Variants in FAT2 observed in about 807,000 individuals in gnomAD.
FAT2 encodes FAT atypical cadherin 2.
A neutral mutation model predicts 295.3 loss-of-function variants in FAT2; 150 were observed. The observed-to-expected ratio is 0.51, with a 90% CI of 0.44 to 0.58. The LOEUF is 0.58. FAT2 is among the 20% of genes least tolerant of loss of function. The pLI is 0.00. For synonymous variants in FAT2, 2,026 were observed against 2,150.3 expected (o/e 0.94, Z 1.60); for missense variants, 4,868 against 5,442.7 (o/e 0.89, Z 3.32).
rs7722798 is a variant in FAT2, at chr5:151,507,087, C to T, written c.12517+67G>A. On this transcript the variant is annotated intron_variant, in intron 23 of 23. Coordinates refer to ENST00000261800, the MANE Select transcript of FAT2 (RefSeq NM_001447.3). ...CTAAAAATGCCTGTGCCTCAGATAA[C>T]GGAGTGTTTAGAACCACCACCCACT... 607 of 1,382,590 alleles carry T rather than the reference C, an allele frequency of 4.4e-4. 3 individuals carry two copies. In the African/African-American group the frequency reaches 7.7e-3, roughly 18 times the overall value. The allele number at this position is 1,382,590 out of a possible 1,614,324, so 85.6% of individuals were successfully genotyped here. A position where few individuals can be genotyped will look rare whatever the true frequency, so the allele number is the denominator to read the frequency against.
chr5:151,509,913 G>T lies in FAT2; in HGVS notation c.12059+108C>A, dbSNP rs564262934. 33 of 1,311,678 alleles carry T rather than the reference G, an allele frequency of 2.5e-5. No homozygotes were observed. In the East Asian group the frequency reaches 7.5e-4, roughly 30 times the overall value. The allele number at this position is 1,311,678 out of a possible 1,614,324, so 81.3% of individuals were successfully genotyped here. On this transcript the variant is annotated intron_variant, in intron 22 of 23. Transcript: ENST00000261800. Reference sequence around the variant, plus strand: ...CAGATGGAAAAGGCCTAGAAGCCAGGTCCCTGCAGCACTCTCCCCTGGCCT... The same window carrying T: ...CAGATGGAAAAGGCCTAGAAGCCAGTTCCCTGCAGCACTCTCCCCTGGCCT...
At chr5:151,550,025 C>G (rs1014081451) in intron 8 of FAT2, among the ~76,000 whole-genome samples, 2 of 152,088 alleles carry the variant, frequency 1.3e-5, no homozygotes, top group African/African-American at 4.8e-5. Context: ...AACTGTATGA[C>G]AGTGAGGAAG....
In FAT2 at chr5:151,505,592, A is replaced by G. The variant is rs749922217; in HGVS notation, c.13023T>C (p.Tyr4341=). ...YEGSDMVESD[Y]GSCEEVMF ...AGAACATGACCTCCTCACAGCTGCC[A>G]TAATCACTCTCCACCATGTCAGAGC... The change falls in exon 24 of 24, where the codon TAT becomes TAC. Residue 4341 remains tyrosine (Y), a synonymous_variant. Transcript: ENST00000261800. 1.2e-6 allele frequency: 2 copies of G among 1,614,164 alleles called. No individual in the cohort carries two copies. Among genetic ancestry groups the G allele is most frequent in the East Asian group, 2.2e-5 (1 of 44,874 alleles).
At chr5:151,527,498 C>G in intron 16 of FAT2, 121 bp from the exon 17 acceptor site, 1 of 906,032 alleles carries the variant, frequency 1.1e-6, no homozygotes, top group Admixed American at 3.2e-5. Flanking sequence ...TGCCCACCCC[C>G]ACTGCCCACC....
intron 1 of FAT2, among the ~76,000 whole-genome samples, chr5:151,586,215 G>A (rs767888215): frequency 2.6e-5 from 4 of 152,218 alleles, no homozygotes; most frequent in African/African-American, 4.8e-5. Flanking sequence ...ACATGCTGAC[G>A]TTACTGTACC....
chr5:151,573,608 C>T (rs1299629952), intron 1 of FAT2, among the ~76,000 whole-genome samples: 4 of 152,174 alleles, frequency 2.6e-5, no homozygotes, highest in South Asian at 2.1e-4. Context: ...GAGCCGAGAT[C>T]GCGCCACTGC....
chr5:151,542,601 G>C lies in FAT2; in HGVS notation c.8526C>G (p.Ser2842Arg), dbSNP rs1756258800. 1.2e-6 allele frequency: 2 copies of C among 1,614,162 alleles called. No homozygotes were observed. The highest frequency in any genetic ancestry group is 1.3e-5 in the African/African-American group (1 of 75,024). ...CAATGGCAAAGAGCTCATGGACATT[G>C]CTACCAGGGTCTGCAGACAGCCTGT... ...VSYRLSADPG[S>R]NVHELFAIDS... The change falls in exon 10 of 24, where the codon AGC becomes AGG. Residue 2842 changes from serine to arginine, a missense_variant. Physicochemically the swap from Ser to Arg is moderately radical, Grantham distance 110. This residue lies in a region of FAT2 where 3,297 missense variants were observed against 3,669.4 expected (regional missense o/e 0.90). Transcript: ENST00000261800.
chr5:151,534,062 A>G (rs1462140332), intron 13 of FAT2, among the ~76,000 whole-genome samples: 4 of 152,210 alleles, frequency 2.6e-5, no homozygotes, highest in South Asian at 2.1e-4. Context: ...AGGCAAATCA[A>G]TCAGAATTGA....
At position 151,569,074 on chromosome 5, in the gene FAT2, T is replaced by G. The variant is rs1758420367; in HGVS notation, c.-20-123A>C. 1.1e-5 allele frequency: 11 copies of G among 998,914 alleles called. No individual in the cohort carries two copies. In the African/African-American group the frequency reaches 1.1e-4, roughly 10 times the overall value. The allele number at this position is 998,914 out of a possible 1,614,324, so 61.9% of individuals were successfully genotyped here. A position where few individuals can be genotyped will look rare whatever the true frequency, so the allele number is the denominator to read the frequency against. The stretch of plus-strand genomic sequence containing the variant: ...ACTTGGCAATGTCTGAAGATACTTT[T>G]GGCTGACCCAGCTTGGGAGTGGTGG... On this transcript the variant is annotated intron_variant, in intron 1 of 23. Coordinates refer to ENST00000261800, the MANE Select transcript of FAT2 (RefSeq NM_001447.3).
chr5:151,516,752 A>G (rs1434506025), intron 20 of FAT2, among the ~76,000 whole-genome samples: 1 of 152,188 alleles, frequency 6.6e-6, no homozygotes, highest in Non-Finnish European at 1.5e-5. Context: ...TAGATGCTCA[A>G]TAAATCTGTT....
rs760498005 is a variant in FAT2 at position 151,565,846 on chromosome 5, G to A, written c.3086C>T (p.Pro1029Leu). ...GTGCACGAAGGAGGCAAAGTGGGGA[G>A]GGTGGAGATTCTCATTCACATCCAG... ...IVLDVNENLH[P>L]PHFASFVHQG... The change falls in exon 2 of 24, where the codon CCT becomes CTT. Residue 1029 changes from proline to leucine, a missense_variant. Physicochemically the swap from Pro to Leu is moderately conservative, Grantham distance 98. Around this residue, in one of 5 missense-constraint regions of FAT2, gnomAD observed 3,297 missense variants for 3,669.4 expected, o/e 0.90. Transcript: ENST00000261800. 5 of 1,614,114 alleles carry A rather than the reference G, an allele frequency of 3.1e-6. No individual in the cohort carries two copies. The highest frequency in any genetic ancestry group is 4.2e-6 in the Non-Finnish European group (5 of 1,180,016).
intron 4 of FAT2, among the ~76,000 whole-genome samples, chr5:151,555,228 T>C (rs193213054): frequency 3.5e-3 from 534 of 152,322 alleles, no homozygotes; most frequent in Non-Finnish European, 5.6e-3. Context: ...GACAGGAGAT[T>C]TCCACCTGAA....
In FAT2 at chr5:151,567,690, C is replaced by T. The variant is rs747252400; in HGVS notation, c.1242G>A (p.Leu414=). 8 of 1,614,014 alleles carry T rather than the reference C, an allele frequency of 5.0e-6. No individual in the cohort carries two copies. In the African/African-American group the frequency reaches 1.1e-4, roughly 22 times the overall value. ...VGFKLNARTG[L]ITTTKLMDFH... Reference sequence around the variant, plus strand: ...AGTCCATGAGCTTTGTGGTGGTGATCAACCCAGTTCGAGCATTAAGTTTAA... The same window carrying T: ...AGTCCATGAGCTTTGTGGTGGTGATTAACCCAGTTCGAGCATTAAGTTTAA... The change falls in exon 2 of 24, where the codon TTG becomes TTA. Residue 414 remains leucine (L), a synonymous_variant. Transcript: ENST00000261800.
In FAT2 at chr5:151,512,277, C is replaced by G. The variant is rs151279378; in HGVS notation, c.11793G>C (p.Thr3931=). The part of the protein sequence containing the change: ...EALDLLAPGK[T]VAGLLETQAL... ...CTTGTGTCTCCAGCAAGCCTGCCAC[C>G]GTCTTGCCAGGGGCCAGCAGATCTA... The change falls in exon 21 of 24, where the codon ACG becomes ACC. Residue 3931 remains threonine (T), a synonymous_variant. Transcript: ENST00000261800. The surrounding 1 kb of genome is among the most constrained non-coding windows in gnomAD (Gnocchi z 4.1). 6.2e-7 allele frequency: 1 copy of G among 1,614,106 alleles called. No homozygotes were observed. Among genetic ancestry groups the G allele is most frequent in the African/African-American group, 1.3e-5 (1 of 74,926 alleles).
In FAT2 at chr5:151,565,731, G is replaced by A; in HGVS notation, c.3201C>T (p.Leu1067=). The A allele has an allele frequency of 6.2e-7, 1 of 1,613,688 alleles. No individual in the cohort carries two copies. ...CAGTGCCAGCACGCAGGAAGTACTG[G>A]AGCTCCCCATCCAAGCCACTGTCAT... ...QDDDSGLDGE[L]QYFLRAGTGL... Residue 1067 remains leucine (L), a synonymous_variant, in exon 2 of 24, where the codon CTC becomes CTT. Transcript: ENST00000261800.
At chr5:151,532,080 G>A (rs754507198) in intron 13 of FAT2, 110 bp from the exon 14 acceptor site, 27 of 1,412,002 alleles carry the variant, frequency 1.9e-5, no homozygotes, top group South Asian at 5.4e-5. Context: ...CCATGAAGGC[G>A]GACAAGCTGG....
intron 10 of FAT2, among the ~76,000 whole-genome samples, chr5:151,541,504 G>A (rs1017089332): frequency 6.6e-6 from 1 of 152,074 alleles, no homozygotes; most frequent in African/African-American, 2.4e-5. Context: ...GGAATTTCAG[G>A]CTCATGGGCT....
upstream of FAT2, among the ~76,000 whole-genome samples, chr5:151,593,308 G>A (rs1051521078): frequency 3.3e-5 from 5 of 152,136 alleles, no homozygotes; most frequent in South Asian, 2.1e-4. Context: ...GTCTTCCCTC[G>A]GGGGCCAAGG....
In FAT2 at chr5:151,542,947, A is replaced by G. The variant is rs1756295304; in HGVS notation, c.8180T>C (p.Val2727Ala). 6.2e-7 allele frequency: 1 copy of G among 1,614,102 alleles called. No individual in the cohort carries two copies. Among genetic ancestry groups the G allele is most frequent in the South Asian group, 1.1e-5 (1 of 91,086 alleles). The change falls in exon 10 of 24, where the codon GTG (valine) becomes GCG (alanine). Residue 2727 changes from valine to alanine, a missense_variant. Physicochemically the swap from Val to Ala is moderately conservative, Grantham distance 64. Coordinates refer to ENST00000261800, the MANE Select transcript of FAT2 (RefSeq NM_001447.3). ...AAQDPVIYSL[V>A]RGTTPESNKD... Reference sequence around the variant, plus strand: ...GTTGCTCTCAGGTGTAGTGCCCCGCACTAGACTGTAGATGACTGGATCTTG... The same window carrying G: ...GTTGCTCTCAGGTGTAGTGCCCCGCGCTAGACTGTAGATGACTGGATCTTG...
Sources: allele counts gnomAD v4.1 joint callset (sites outside exome capture counted in the v4.1 genomes callset), GRCh38; gene constraint gnomAD v4.1.1; regional missense constraint gnomAD v4.1.1; non-coding constraint Gnocchi (gnomAD v3.1); transcripts MANE v1.5; gene names NCBI Gene and HGNC (gene_info 2026-07-23, HGNC 2026-07-21).